Variants in VWC2 observed in about 807,000 individuals in gnomAD.
VWC2 encodes the protein von Willebrand factor C domain containing 2.
VWC2 carries 14 observed loss-of-function variants against 29.8 expected under a neutral mutation model. The observed-to-expected ratio is 0.47, with a 90% CI of 0.31 to 0.74. The LOEUF (loss-of-function observed/expected upper bound fraction) is 0.74. VWC2 is among the 30% of genes least tolerant of loss of function. The probability of loss-of-function intolerance (pLI) is 0.05; values close to 1 mark genes in which losing one functional copy is unlikely to be tolerated. For synonymous variants in VWC2, 213 were observed against 199.0 expected (o/e 1.07, Z -0.59); for missense variants, 457 against 459.8 (o/e 0.99, Z 0.05).
intron 3 of VWC2, among the ~76,000 whole-genome samples, chr7:49,904,380 C>T (rs372726090): frequency 1.3e-5 from 2 of 152,290 alleles, no homozygotes; most frequent in South Asian, 2.1e-4. Context: ...CTCCTACTCC[C>T]TTTGCAACTT....
intron 3 of VWC2, among the ~76,000 whole-genome samples, chr7:49,881,413 T>C (rs901926375): frequency 2.0e-5 from 3 of 152,172 alleles, no homozygotes; most frequent in African/African-American, 7.2e-5. Flanking sequence ...GAATGAATGA[T>C]TTAATAGAAA....
At chr7:49,810,198 G>A (rs1788975855) in intron 3 of VWC2, among the ~76,000 whole-genome samples, 2 of 151,480 alleles carry the variant, frequency 1.3e-5, no homozygotes, top group African/African-American at 2.4e-5. Flanking sequence ...CAACTATGGA[G>A]GCTAATAAAG....
chr7:49,840,055 C>G (rs113141047), intron 3 of VWC2, among the ~76,000 whole-genome samples: 1 of 152,162 alleles, frequency 6.6e-6, no homozygotes, highest in African/African-American at 2.4e-5. Context: ...CCCTGGCCCA[C>G]GGGCTGACCA....
chr7:49,775,887 G>A lies in VWC2; in HGVS notation c.452G>A (p.Arg151His). 1 of 1,558,574 alleles carries A rather than the reference G, an allele frequency of 6.4e-7. No homozygotes were observed. Among genetic ancestry groups the A allele is most frequent in the South Asian group, 1.2e-5 (1 of 84,836 alleles). The change falls in exon 2 of 4, where the codon CGT (arginine) becomes CAT (histidine). Residue 151 changes from arginine to histidine, a missense_variant. By Grantham distance (29) the Arg-to-His change is conservative. Coordinates refer to ENST00000340652, the MANE Select transcript of VWC2 (RefSeq NM_198570.5). ...PPEEYVYPDY[R>H]GKGCVDESGF... ...GAGGAGTACGTGTACCCGGACTACC[G>A]TGGCAAGGGCTGCGTGGACGAGAGC...
intron 2 of VWC2, among the ~76,000 whole-genome samples, chr7:49,778,014 G>T (rs983272264): frequency 2.0e-5 from 3 of 150,982 alleles, no homozygotes; most frequent in Admixed American, 6.6e-5. Flanking sequence ...GTCCTTAGAA[G>T]TAAACTGAGG....
intron 3 of VWC2, among the ~76,000 whole-genome samples, chr7:49,813,819 G>A (rs1319059297): frequency 6.6e-6 from 1 of 152,142 alleles, no homozygotes. Context: ...AGTTAGTACA[G>A]GTTGGCATAA....
intron 2 of VWC2, among the ~76,000 whole-genome samples, chr7:49,795,472 A>G (rs2128704603): frequency 6.6e-6 from 1 of 152,264 alleles, no homozygotes; most frequent in East Asian, 1.9e-4. Flanking sequence ...CACAGCCTTC[A>G]CACACCATCG....
At chr7:49,793,834 T>TC (rs1788520218) in intron 2 of VWC2, among the ~76,000 whole-genome samples, 1 of 152,000 alleles carries the variant, frequency 6.6e-6, no homozygotes. Flanking sequence ...GGACACAGAG[T>TC]CCAAGATCAG....
At chr7:49,897,333 A>T (rs1331097079) in intron 3 of VWC2, among the ~76,000 whole-genome samples, 1 of 152,234 alleles carries the variant, frequency 6.6e-6, no homozygotes, top group Non-Finnish European at 1.5e-5. Flanking sequence ...ACCAAAACCA[A>T]AGACAGTGAA....
At chr7:49,800,069 A>T (rs1404389693) in intron 2 of VWC2, among the ~76,000 whole-genome samples, 1 of 152,222 alleles carries the variant, frequency 6.6e-6, no homozygotes, top group African/African-American at 2.4e-5. Context: ...TGACAATCAA[A>T]TTTTTTACAA....
intron 3 of VWC2, among the ~76,000 whole-genome samples, chr7:49,889,457 A>T (rs545773824): frequency 6.6e-6 from 1 of 152,370 alleles, no homozygotes; most frequent in Admixed American, 6.5e-5. Flanking sequence ...GAAGAAATGC[A>T]TGAGAGGCAG....
intron 3 of VWC2, among the ~76,000 whole-genome samples, chr7:49,829,996 G>A (rs138882145): frequency 2.0e-4 from 30 of 152,298 alleles, no homozygotes; most frequent in African/African-American, 7.2e-4. Context: ...TTGCTGCTTA[G>A]GAAGATTTTT....
chr7:49,920,559 T>C lies in VWC2; in HGVS notation c.*8374T>C, dbSNP rs1793972938. ...TCCACGGAAAGCTGGACCTAAGCAG[T>C]GAAGGATGTAAGGGAACAGAGAGAG... On this transcript the variant is annotated 3_prime_UTR_variant, in exon 4 of 4. Transcript: ENST00000340652. 6.6e-6 allele frequency: 1 copy of C among 152,152 alleles called. No individual in the cohort carries two copies. The allele number at this position is 152,152 out of a possible 1,614,324, so 9.4% of individuals were successfully genotyped here. A position where few individuals can be genotyped will look rare whatever the true frequency, so the allele number is the denominator to read the frequency against.
intron 3 of VWC2, among the ~76,000 whole-genome samples, chr7:49,878,721 TG>T (rs1311569673): frequency 2.6e-5 from 4 of 152,176 alleles, no homozygotes; most frequent in African/African-American, 9.6e-5. Flanking sequence ...TTTAAAAAAT[TG>T]CTCATGCACG....
Position 49,921,334 on chromosome 7 carries a change from T to C in VWC2, c.*9149T>C, listed in dbSNP as rs999762903. The stretch of plus-strand genomic sequence containing the variant: ...TGGCCTGAGCCTTACTCCATAGCTA[T>C]AGAGACATAGTCTCTAGAAACAAAG... On this transcript the variant is annotated 3_prime_UTR_variant, in exon 4 of 4. Transcript: ENST00000340652. The C allele has an allele frequency of 1.3e-5, 2 of 152,248 alleles. No homozygotes were observed. The highest frequency in any genetic ancestry group is 4.8e-5 in the African/African-American group (2 of 41,464). The allele number at this position is 152,248 out of a possible 1,614,324, so 9.4% of individuals were successfully genotyped here.
At chr7:49,879,579 G>A (rs1198122153) in intron 3 of VWC2, among the ~76,000 whole-genome samples, 2 of 152,210 alleles carry the variant, frequency 1.3e-5, no homozygotes, top group East Asian at 3.9e-4. Flanking sequence ...GTTCCAGAAC[G>A]CAGCACTTCT....
At chr7:49,906,396 G>A (rs886508757) in intron 3 of VWC2, among the ~76,000 whole-genome samples, 4 of 151,788 alleles carry the variant, frequency 2.6e-5, no homozygotes, top group Admixed American at 6.6e-5. Flanking sequence ...GTGCAGTGGC[G>A]GCGACCTCAG....
intron 3 of VWC2, among the ~76,000 whole-genome samples, chr7:49,837,491 CTT>C (rs1789690588): frequency 6.6e-6 from 1 of 152,146 alleles, no homozygotes; most frequent in African/African-American, 2.4e-5. Flanking sequence ...GTATCTTTCA[CTT>C]TGAGTTTTGC....
chr7:49,907,390 A>C (rs1468679973), intron 3 of VWC2, among the ~76,000 whole-genome samples: 1 of 152,210 alleles, frequency 6.6e-6, no homozygotes, highest in Non-Finnish European at 1.5e-5. Flanking sequence ...GGCTCTAAGA[A>C]GTGCAAAATA....
Sources: gnomAD v4.1 joint callset for allele counts (sites outside exome capture counted in the v4.1 genomes callset) on GRCh38, gnomAD v4.1.1 for gene constraint, MANE v1.5 for transcripts, NCBI Gene and HGNC (gene_info 2026-07-23, HGNC 2026-07-21) for gene names.